ZNF554: variants seen among roughly 807,000 people sequenced by gnomAD.
ZNF554 encodes the protein zinc finger protein 554.
ZNF554 carries 15 observed loss-of-function variants against 21.2 expected under a neutral mutation model. That is an observed-to-expected ratio of 0.71 (90% CI 0.47 to 1.09). The LOEUF is 1.09. Among genes scored for constraint, ZNF554 ranks in the 50% least tolerant of loss-of-function variants. The pLI is 0.00. For missense variants in ZNF554, 691 were observed against 662.7 expected (o/e 1.04, Z -0.47); for synonymous variants, 258 against 251.4 (o/e 1.03, Z -0.25).
At chr19:2,827,955 G>A (rs1163881505) in intron 3 of ZNF554, among the ~76,000 whole-genome samples, 1 of 152,178 alleles carries the variant, frequency 6.6e-6, no homozygotes, top group Non-Finnish European at 1.5e-5. Flanking sequence ...GTGGCGGTAG[G>A]CAAGAGAGCT....
intron 2 of ZNF554, among the ~76,000 whole-genome samples, chr19:2,825,528 C>T (rs1404829391): frequency 1.3e-5 from 2 of 152,120 alleles, no homozygotes; most frequent in East Asian, 3.9e-4. Context: ...CCAGGCTGGA[C>T]TTGAACTCCT....
Position 2,827,686 on chromosome 19 carries a change from C to T in ZNF554, c.196C>T (p.Gln66Ter). 1 of 1,614,110 alleles carries T rather than the reference C, an allele frequency of 6.2e-7. No homozygotes were observed. The highest frequency in any genetic ancestry group is 8.5e-7 in the Non-Finnish European group (1 of 1,179,998). The change falls in exon 3 of 5, where the codon CAG (glutamine) becomes TAG (stop). Residue 66 changes from glutamine (Q) to a stop codon, truncating the protein, a stop_gained. Transcript: ENST00000317243. LOFTEE classifies it high-confidence loss of function. Reference sequence around the variant, plus strand: ...GGAGTGGGAGTTGCTGGAGCCTGCTCAGAAGAACCTGTACAGAGAGGTGAT... The same window carrying T: ...GGAGTGGGAGTTGCTGGAGCCTGCTTAGAAGAACCTGTACAGAGAGGTGAT... ...QEEWELLEPA[Q>*]KNLYREVMLE...
Position 2,834,274 on chromosome 19 carries a change from A to G in ZNF554, c.1039A>G (p.Thr347Ala). ...TTTGAGCGAACATCAAAGAATTCAC[A>G]CGGGGGAGAAACCCTACGAGTGTCA... ...HSLSEHQRIH[T>A]GEKPYECQEC... Residue 347 changes from threonine (T) to alanine (A), a missense_variant, in exon 5 of 5, where the codon ACG (threonine) becomes GCG (alanine). Coordinates refer to ENST00000317243, the MANE Select transcript of ZNF554 (RefSeq NM_001102651.2). 1 of 1,614,118 alleles carries G rather than the reference A, an allele frequency of 6.2e-7. No homozygotes were observed. The highest frequency in any genetic ancestry group is 1.1e-5 in the South Asian group (1 of 91,086).
rs1184397277 is a variant in ZNF554, at chr19:2,821,820, C to T, written c.54-1220C>T. Among the ~76,000 whole-genome samples the T allele has an allele frequency of 6.6e-6, 1 of 152,034 alleles. No individual in the cohort carries two copies. The highest frequency in any genetic ancestry group is 1.9e-4 in the East Asian group (1 of 5,164). On this transcript the variant is annotated intron_variant, in intron 1 of 4. Transcript: ENST00000317243. The surrounding 1 kb of genome is among the most constrained non-coding windows in gnomAD (Gnocchi z 8.2). ...CTGGGATTACAGGTGCACGCCACCA[C>T]ACCCAGCTAATTTTTGTATTTTTAG...
At position 2,819,892 on chromosome 19, in the gene ZNF554, G is replaced by T. The variant is rs559400161; in HGVS notation, c.-180G>T. On this transcript the variant is annotated 5_prime_UTR_variant, in exon 1 of 5. Transcript: ENST00000317243. ...CAGTGCCGAGTTTACCTCTGCGCGC[G>T]TCGGGGTTGGTGGCGGCGGCTGCGG... 451 of 343,794 alleles carry T rather than the reference G, an allele frequency of 1.3e-3. 2 individuals are homozygous for T. Among genetic ancestry groups the T allele is most frequent in the African/African-American group, 9.3e-3 (429 of 46,212 alleles). The allele number at this position is 343,794 out of a possible 1,614,324, so 21.3% of individuals were successfully genotyped here.
chr19:2,829,506 G>A (rs1022421243), intron 3 of ZNF554, among the ~76,000 whole-genome samples: 4 of 150,428 alleles, frequency 2.7e-5, no homozygotes, highest in Non-Finnish European at 4.4e-5. Context: ...GCGTGGTGGC[G>A]CATGCCTGTA....
At position 2,819,940 on chromosome 19, in the gene ZNF554, G is replaced by T. The variant is rs1334858737; in HGVS notation, c.-132G>T. On this transcript the variant is annotated 5_prime_UTR_variant, in exon 1 of 5. Transcript: ENST00000317243. ...CGGCGAGTTCCTGAGGGGCGCCTGC[G>T]GGGGGCGTCCGCTCCGAGCGCCGAG... is the stretch of plus-strand genomic sequence containing the variant. The T allele has an allele frequency of 9.2e-6, 6 of 651,716 alleles. No homozygotes were observed. Among genetic ancestry groups the T allele is most frequent in the South Asian group, 1.6e-4 (2 of 12,886 alleles). The allele number at this position is 651,716 out of a possible 1,614,324, so 40.4% of individuals were successfully genotyped here. A position where few individuals can be genotyped will look rare whatever the true frequency, so the allele number is the denominator to read the frequency against.
At chr19:2,828,871 A>G (rs1568334217) in intron 3 of ZNF554, among the ~76,000 whole-genome samples, 1 of 152,090 alleles carries the variant, frequency 6.6e-6, no homozygotes, top group Non-Finnish European at 1.5e-5. Flanking sequence ...TCACGAGAAC[A>G]GCATGGGGGA....
At chr19:2,828,693 G>C (rs2087370612) in intron 3 of ZNF554, among the ~76,000 whole-genome samples, 1 of 144,594 alleles carries the variant, frequency 6.9e-6, no homozygotes, top group African/African-American at 2.5e-5. Context: ...AAAAAAAAAA[G>C]CAAGAAAAGA....
Position 2,834,586 on chromosome 19 carries a change from C to G in ZNF554, c.1351C>G (p.Leu451Val), listed in dbSNP as rs773491893. ...AAAGGCCTTCAGTGACCGTTCCTCT[C>G]TCAACCAGCACGAGCGAACTCACAC... ...CGKAFSDRSS[L>V]NQHERTHTGE... Residue 451 changes from leucine (L) to valine (V), a missense_variant, in exon 5 of 5, where the codon CTC becomes GTC. Leu to Val is a conservative substitution (Grantham distance 32, BLOSUM62 1). Coordinates refer to ENST00000317243, the MANE Select transcript of ZNF554 (RefSeq NM_001102651.2). 8 of 1,613,956 alleles carry G rather than the reference C, an allele frequency of 5.0e-6. No homozygotes were observed. Among genetic ancestry groups the G allele is most frequent in the Middle Eastern group, 1.6e-4 (1 of 6,084 alleles).
chr19:2,825,003 G>GTGT (rs2087312129), intron 2 of ZNF554, among the ~76,000 whole-genome samples: 3 of 97,704 alleles, frequency 3.1e-5, no homozygotes, highest in African/African-American at 1.1e-4. Flanking sequence ...GATTGCAGTT[G>GTGT]TTTTTTTTTT....
intron 3 of ZNF554, among the ~76,000 whole-genome samples, chr19:2,828,879 G>A (rs1040041211): frequency 6.6e-6 from 1 of 151,950 alleles, no homozygotes; most frequent in Non-Finnish European, 1.5e-5. Context: ...ACAGCATGGG[G>A]GAACTGCCCC....
At chr19:2,831,154 T>TA (rs2087411157) in intron 3 of ZNF554, 1 of 152,186 alleles carries the variant, frequency 6.6e-6, no homozygotes, top group African/African-American at 2.4e-5. Flanking sequence ...TGGCAACACT[T>TA]ACTATTTTTT....
rs536559896 is a variant in ZNF554 at position 2,836,215 on chromosome 19, G to A, written c.*1363G>A. ...ATTACGGGTGTGAGCCACCGTGCTGGTATTACGGGTGTGAGCCACCGTGCT... is the reference window on the plus strand; with the variant it reads ...ATTACGGGTGTGAGCCACCGTGCTGATATTACGGGTGTGAGCCACCGTGCT... On this transcript the variant is annotated 3_prime_UTR_variant, in exon 5 of 5. Transcript: ENST00000317243. Among the ~76,000 whole-genome samples, 1 of 149,854 alleles carries A rather than the reference G, an allele frequency of 6.7e-6. No individual in the cohort carries two copies. Among genetic ancestry groups the A allele is most frequent in the South Asian group, 2.1e-4 (1 of 4,720 alleles).
intron 2 of ZNF554, among the ~76,000 whole-genome samples, chr19:2,823,983 T>C (rs1175918651): frequency 1.3e-5 from 2 of 152,142 alleles, no homozygotes; most frequent in Non-Finnish European, 2.9e-5. Context: ...CCCACCCCCT[T>C]CTGCCCAGGA....
chr19:2,827,731 G>A lies in ZNF554; in HGVS notation c.241G>A (p.Val81Met), dbSNP rs114718256. Residue 81 changes from valine to methionine, a missense_variant, in exon 3 of 5, where the codon GTG (valine) becomes ATG (methionine). By Grantham distance (21) the Val-to-Met change is conservative. Transcript: ENST00000317243. The part of the protein sequence containing the change: ...REVMLENYRN[V>M]VSLEALKNQC... ...GGTGATGCTGGAGAACTACAGGAAC[G>A]TGGTCTCCCTGGGTAAGGCAAGCAT... The A allele has an allele frequency of 1.9e-4, 314 of 1,613,910 alleles. No homozygotes were observed. In the African/African-American group the frequency reaches 3.6e-3, roughly 18 times the overall value.
rs918729637 is a variant in ZNF554, at chr19:2,836,433, G to A, written c.*1581G>A. ...TCACATTGGCCACTTAGCTAGATCC[G>A]TTTGTCTTCTGCAGTACTGTGCTGA... On this transcript the variant is annotated 3_prime_UTR_variant, in exon 5 of 5. Coordinates refer to ENST00000317243, the MANE Select transcript of ZNF554 (RefSeq NM_001102651.2). Among the ~76,000 whole-genome samples the A allele has an allele frequency of 3.9e-5, 6 of 152,192 alleles. No homozygotes were observed. The East Asian group carries it at 5.8e-4, about 15-fold the overall frequency.
intron 3 of ZNF554, among the ~76,000 whole-genome samples, chr19:2,828,537 G>T (rs1405312807): frequency 1.3e-5 from 2 of 151,932 alleles, no homozygotes; most frequent in African/African-American, 4.8e-5. Flanking sequence ...AAAAATGGCG[G>T]GCACCTGTAA....
chr19:2,828,473 G>A (rs972639548), intron 3 of ZNF554, among the ~76,000 whole-genome samples: 1 of 152,122 alleles, frequency 6.6e-6, no homozygotes, highest in Non-Finnish European at 1.5e-5. Context: ...GTGATCACCT[G>A]AGGTCAGGAG....
Sources: allele counts gnomAD v4.1 joint callset (sites outside exome capture counted in the v4.1 genomes callset), GRCh38; gene constraint gnomAD v4.1.1; non-coding constraint Gnocchi (gnomAD v3.1); transcripts MANE v1.5; gene names NCBI Gene and HGNC (gene_info 2026-07-23, HGNC 2026-07-21).